Variants in MRPS9 observed in about 807,000 individuals in gnomAD.
MRPS9 encodes the protein mitochondrial ribosomal protein S9.
Under a neutral mutation model 59.9 loss-of-function variants are expected in MRPS9, and 45 were observed. The ratio of observed to expected loss-of-function variants is 0.75; its 90% CI spans 0.59 to 0.96. The LOEUF is 0.96. Ranked by LOEUF, MRPS9 falls within the 40% of genes least tolerant of loss-of-function variation. MRPS9 has a pLI of 0.00. For synonymous variants in MRPS9, 171 were observed against 166.8 expected, an observed-to-expected ratio of 1.03 and a Z score of -0.19; for missense variants, 473 against 481.1, an observed-to-expected ratio of 0.98 and a Z score of 0.16.
chr2:105,067,745 T>G (rs1450894937), intron 2 of MRPS9, among the ~76,000 whole-genome samples: 1 of 152,144 alleles, frequency 6.6e-6, no homozygotes, highest in Non-Finnish European at 1.5e-5. Context: ...CCTGAGTGTG[T>G]GTGTGTGTGT....
intron 5 of MRPS9, among the ~76,000 whole-genome samples, chr2:105,083,407 C>T (rs1680386630): frequency 6.6e-6 from 1 of 152,104 alleles, no homozygotes; most frequent in South Asian, 2.1e-4. Flanking sequence ...GATGACCAAG[C>T]TGGTGGCAAA....
intron 8 of MRPS9, among the ~76,000 whole-genome samples, 177 bp downstream of exon 8, chr2:105,092,746 A>AT (rs1558763679): frequency 6.6e-6 from 1 of 152,202 alleles, no homozygotes; most frequent in Non-Finnish European, 1.5e-5. Flanking sequence ...ACTGAACTGT[A>AT]TAATATCCTA....
chr2:105,058,258 G>A (rs1471243897), intron 2 of MRPS9, among the ~76,000 whole-genome samples: 1 of 152,178 alleles, frequency 6.6e-6, no homozygotes, highest in Non-Finnish European at 1.5e-5. Flanking sequence ...ATTAGCACCT[G>A]TACATTAGTC....
Position 105,042,064 on chromosome 2 carries a change from AC to A in MRPS9, c.135+3838del, listed in dbSNP as rs576068634. Reference sequence around the variant, plus strand: ...ATGAACGTATCAGTTATTTATTGCTACATAACAAATTATCCTAAAACCTAGC... The same window carrying A: ...ATGAACGTATCAGTTATTTATTGCTAATAACAAATTATCCTAAAACCTAGC... On this transcript the variant is annotated intron_variant, in intron 1 of 10. Coordinates refer to ENST00000258455, the MANE Select transcript of MRPS9 (RefSeq NM_182640.3). Among the ~76,000 whole-genome samples the A allele has an allele frequency of 7.2e-3, 1,104 of 152,360 alleles. 4 individuals carry two copies. Among genetic ancestry groups the A allele is most frequent in the Non-Finnish European group, 0.011 (781 of 68,030 alleles).
chr2:105,097,151 T>A lies in MRPS9; in HGVS notation c.930-4T>A. 1.3e-6 allele frequency: 2 copies of A among 1,554,456 alleles called. No homozygotes were observed. The highest frequency in any genetic ancestry group is 1.7e-6 in the Non-Finnish European group (2 of 1,150,494). Reference sequence around the variant, plus strand: ...TAACCACATTTACTTGTGCTGTGCTTTAGAGAACAGCTGATGTTCCCTTTC... The same window carrying A: ...TAACCACATTTACTTGTGCTGTGCTATAGAGAACAGCTGATGTTCCCTTTC... On this transcript the variant is annotated splice_region_variant and splice_polypyrimidine_tract_variant and intron_variant, in intron 9 of 10. Coordinates refer to ENST00000258455, the MANE Select transcript of MRPS9 (RefSeq NM_182640.3).
rs746817782 is a variant in MRPS9, at chr2:105,093,556, GCAATTGTTTATAAA to G, written c.850_863del (p.Ile284TrpfsTer11). ...TAAAAGAAAGACTGCAAAAGCAGAA[GCAATTGTTTATAAA>G]CATGGAAGTGGAAGAATAAAAGTAA... On this transcript the variant is annotated frameshift_variant, in exon 9 of 11. Coordinates refer to ENST00000258455, the MANE Select transcript of MRPS9 (RefSeq NM_182640.3). LOFTEE classifies it high-confidence loss of function. 1 of 1,599,940 alleles carries G rather than the reference GCAATTGTTTATAAA, an allele frequency of 6.3e-7. No individual in the cohort carries two copies. Among genetic ancestry groups the G allele is most frequent in the Non-Finnish European group, 8.5e-7 (1 of 1,173,238 alleles).
In MRPS9 at chr2:105,069,808, C is replaced by G. The variant is rs144841466; in HGVS notation, c.316-1505C>G. Among the ~76,000 whole-genome samples, 643 of 148,560 alleles carry G rather than the reference C, an allele frequency of 4.3e-3. 3 individuals are homozygous for G. The highest frequency in any genetic ancestry group is 0.015 in the African/African-American group (612 of 40,178). ...AGAAGATCATTTGAGCTCAGGAGTTCAAGACCAGCCTGAGCAACATAGTGA... is the reference window on the plus strand; with the variant it reads ...AGAAGATCATTTGAGCTCAGGAGTTGAAGACCAGCCTGAGCAACATAGTGA... On this transcript the variant is annotated intron_variant, in intron 2 of 10. Coordinates refer to ENST00000258455, the MANE Select transcript of MRPS9 (RefSeq NM_182640.3).
rs537087779 is a variant in MRPS9 at position 105,051,917 on chromosome 2, A to G, written c.315+2567A>G. 4.1e-4 allele frequency among the ~76,000 whole-genome samples: 63 copies of G among 152,210 alleles called. 1 individual carries two copies. The South Asian group carries it at 0.011, about 27-fold the overall frequency. On this transcript the variant is annotated intron_variant, in intron 2 of 10. Coordinates refer to ENST00000258455, the MANE Select transcript of MRPS9 (RefSeq NM_182640.3). ...ATCCTTGCTGAACTTACTAATTCTC[A>G]TAGTTCTTAGTGGATTCCTTGGGAT...
intron 2 of MRPS9, among the ~76,000 whole-genome samples, chr2:105,067,152 T>C (rs1486312194): frequency 6.6e-6 from 1 of 152,196 alleles, no homozygotes; most frequent in East Asian, 1.9e-4. Flanking sequence ...CATACTGTTA[T>C]CTCCCACAAT....
At chr2:105,078,141 C>CTTTT (rs11421327) in intron 4 of MRPS9, among the ~76,000 whole-genome samples, 16 of 127,106 alleles carry the variant, frequency 1.3e-4, no homozygotes, top group South Asian at 5.1e-4. Flanking sequence ...AATTCTAAGA[C>CTTTT]TTTTTTTTTT....
At chr2:105,080,911 GA>G (rs561755308) in intron 5 of MRPS9, among the ~76,000 whole-genome samples, 41 of 139,688 alleles carry the variant, frequency 2.9e-4, no homozygotes, top group East Asian at 1.2e-3. Flanking sequence ...TTTCTTGGGG[GA>G]AAAAAAAAAA....
intron 7 of MRPS9, chr2:105,091,464 G>A (rs1680556979): frequency 2.2e-6 from 1 of 448,190 alleles, no homozygotes; most frequent in Non-Finnish European, 4.7e-6. Flanking sequence ...TACTAGAAGA[G>A]TGCCTTCTCT....
At chr2:105,047,904 A>G (rs1679622409) in intron 1 of MRPS9, among the ~76,000 whole-genome samples, 1 of 151,872 alleles carries the variant, frequency 6.6e-6, no homozygotes, top group African/African-American at 2.4e-5. Context: ...CAGTAATGGG[A>G]TGGCTGGGTC....
chr2:105,042,207 C>T (rs534913793), intron 1 of MRPS9, among the ~76,000 whole-genome samples: 24 of 152,170 alleles, frequency 1.6e-4, no homozygotes, highest in Admixed American at 1.6e-3. Context: ...AGGTATTGGC[C>T]GGGGCTGCAG....
intron 2 of MRPS9, among the ~76,000 whole-genome samples, chr2:105,054,152 A>C (rs1679759184): frequency 6.6e-6 from 1 of 152,176 alleles, no homozygotes; most frequent in Non-Finnish European, 1.5e-5. Context: ...TGATTTTCTT[A>C]TCTCTAAAAT....
At chr2:105,070,822 A>G (rs946052827) in intron 2 of MRPS9, among the ~76,000 whole-genome samples, 1 of 152,210 alleles carries the variant, frequency 6.6e-6, no homozygotes, top group African/African-American at 2.4e-5. Context: ...CTATTGAAAA[A>G]CAGACATGGA....
rs142072529 is a variant in MRPS9, at chr2:105,082,446, C to G, written c.489+2384C>G. Among the ~76,000 whole-genome samples, 16 of 152,232 alleles carry G rather than the reference C, an allele frequency of 1.1e-4. No homozygotes were observed. The East Asian group carries it at 3.1e-3, about 29-fold the overall frequency. ...CTTATCCTCTGTAAAGTTGACAAAT[C>G]TTTTTAGTATTTGGTGACTGTTTGC... On this transcript the variant is annotated intron_variant, in intron 5 of 10. Transcript: ENST00000258455.
chr2:105,098,297 A>G (rs889834999), intron 10 of MRPS9: 1 of 152,196 alleles, frequency 6.6e-6, no homozygotes, highest in Non-Finnish European at 1.5e-5. Flanking sequence ...CATGTGTGCT[A>G]TTGGCGGCTG....
intron 2 of MRPS9, among the ~76,000 whole-genome samples, chr2:105,062,214 C>T (rs1295981953): frequency 6.6e-6 from 1 of 152,122 alleles, no homozygotes; most frequent in African/African-American, 2.4e-5. Context: ...ATATTTCCAC[C>T]CACATACCCA....
Sources: gnomAD v4.1 joint callset for allele counts (sites outside exome capture counted in the v4.1 genomes callset) on GRCh38, gnomAD v4.1.1 for gene constraint, MANE v1.5 for transcripts, NCBI Gene and HGNC (gene_info 2026-07-23, HGNC 2026-07-21) for gene names.